The following TMCO5A variants were observed in gnomAD, a reference collection of about 807,000 sequenced individuals.
TMCO5A encodes the protein transmembrane and coiled-coil domains 5A.
Under a neutral mutation model 42.3 loss-of-function variants are expected in TMCO5A, and 34 were observed. The ratio of observed to expected loss-of-function variants is 0.80; its 90% CI spans 0.61 to 1.07. The LOEUF is 1.07. Ranked by LOEUF, TMCO5A falls within the 50% of genes least tolerant of loss-of-function variation. TMCO5A has a pLI of 0.00. For synonymous variants in TMCO5A, 131 were observed against 115.6 expected (o/e 1.13, Z -0.86); for missense variants, 357 against 327.9 (o/e 1.09, Z -0.69).
the TMCO5A span, among the ~76,000 whole-genome samples, chr15:37,979,457 G>C: frequency 0.036 from 5,495 of 152,204 alleles, 352 homozygotes; most frequent in African/African-American, 0.13. Context: ...CCACACGACA[G>C]ATCAAGAAAT....
At chr15:37,972,044 A>G (rs943048340), downstream of TMCO5A, among the ~76,000 whole-genome samples, 1 of 152,150 alleles carries the variant, frequency 6.6e-6, no homozygotes, top group African/African-American at 2.4e-5. Flanking sequence ...TACTGGTACC[A>G]ATTTACTGTA....
chr15:38,022,770 G>A, the TMCO5A span, among the ~76,000 whole-genome samples: 17 of 152,028 alleles, frequency 1.1e-4, no homozygotes, highest in African/African-American at 4.1e-4. Context: ...GGGGTATATG[G>A]GAAATCTCTA....
At chr15:37,967,835 TCACAC>T (rs1890592211), downstream of TMCO5A, 1 of 152,174 alleles carries the variant, frequency 6.6e-6, no homozygotes, top group Non-Finnish European at 1.5e-5. Context: ...ATTCTAGCAT[TCACAC>T]CAGCCAGGAG....
intron 10 of TMCO5A, among the ~76,000 whole-genome samples, chr15:37,946,082 A>G (rs1889940909): frequency 6.6e-6 from 1 of 152,158 alleles, no homozygotes; most frequent in Non-Finnish European, 1.5e-5. Context: ...AATTTTCTGT[A>G]TATGGCTAGC....
the TMCO5A span, among the ~76,000 whole-genome samples, chr15:37,998,770 C>A: frequency 6.6e-6 from 1 of 152,018 alleles, no homozygotes; most frequent in Non-Finnish European, 1.5e-5. Flanking sequence ...TGCATTGAAT[C>A]TGTAGATTGC....
chr15:37,970,003 T>C (rs1890645053), downstream of TMCO5A, among the ~76,000 whole-genome samples: 2 of 152,252 alleles, frequency 1.3e-5, no homozygotes, highest in Non-Finnish European at 2.9e-5. Flanking sequence ...TGTGTCTTTA[T>C]AGTCGAATGG....
chr15:37,954,220 A>G (rs1328859454), downstream of TMCO5A, among the ~76,000 whole-genome samples: 1 of 152,138 alleles, frequency 6.6e-6, no homozygotes, highest in Non-Finnish European at 1.5e-5. Context: ...ACACCTACAG[A>G]TTTAACCCGA....
chr15:38,021,868 G>A, the TMCO5A span, among the ~76,000 whole-genome samples: 7 of 148,668 alleles, frequency 4.7e-5, no homozygotes, highest in African/African-American at 1.2e-4. Context: ...GGAGTGCAGC[G>A]GCCCGATCTC....
At chr15:37,944,874 C>A (rs1257878225) in intron 10 of TMCO5A, among the ~76,000 whole-genome samples, 1 of 151,472 alleles carries the variant, frequency 6.6e-6, no homozygotes, top group Non-Finnish European at 1.5e-5. Context: ...TTTTTTTCTT[C>A]AACTTTTAAG....
chr15:37,951,892 C>T (rs968035014), downstream of TMCO5A, among the ~76,000 whole-genome samples: 10 of 152,046 alleles, frequency 6.6e-5, no homozygotes, highest in African/African-American at 9.7e-5. Flanking sequence ...CAACACCCCC[C>T]CTTTCCCATC....
intron 11 of TMCO5A, among the ~76,000 whole-genome samples, chr15:37,965,930 G>A (rs1890545086): frequency 6.6e-6 from 1 of 151,984 alleles, no homozygotes; most frequent in Admixed American, 6.6e-5. Context: ...AAGGAAATCA[G>A]TACATTGAAG....
At chr15:37,936,149 T>C in intron 2 of TMCO5A, 165 bp from the exon 3 acceptor site, 1 of 777,088 alleles carries the variant, frequency 1.3e-6, no homozygotes, top group Non-Finnish European at 1.9e-6. Context: ...ATCGAAACAG[T>C]TGTAGAGCAT....
chr15:38,037,911 G>A, the TMCO5A span, among the ~76,000 whole-genome samples: 12 of 151,996 alleles, frequency 7.9e-5, 1 homozygote, highest in South Asian at 2.5e-3. Context: ...TACTCTGGAG[G>A]CTGAGGCAGA....
At chr15:37,950,785 C>CA (rs1045777089) in intron 11 of TMCO5A, among the ~76,000 whole-genome samples, 5 of 151,868 alleles carry the variant, frequency 3.3e-5, no homozygotes, top group African/African-American at 1.2e-4. Context: ...ATAAACAAAA[C>CA]AAAAAATCAG....
At position 37,951,283 on chromosome 15, in the gene TMCO5A, C is replaced by T; in HGVS notation, c.*49C>T. The T allele has an allele frequency of 6.4e-7, 1 of 1,569,198 alleles. No individual in the cohort carries two copies. The stretch of plus-strand genomic sequence containing the variant: ...AATAGAAGGGAAGTGGGATCCGAGC[C>T]TGTAGAAGGGAGGCATGAAACTTGT... On this transcript the variant is annotated 3_prime_UTR_variant, in exon 12 of 12. Coordinates refer to ENST00000319669, the MANE Select transcript of TMCO5A (RefSeq NM_152453.4).
intron 11 of TMCO5A, among the ~76,000 whole-genome samples, chr15:37,957,943 TACA>T (rs1890331843): frequency 1.3e-5 from 2 of 152,056 alleles, no homozygotes; most frequent in African/African-American, 2.4e-5. Flanking sequence ...GCCACACATC[TACA>T]ACAATTGATC....
At chr15:37,939,534 A>G (rs1294635345) in intron 6 of TMCO5A, among the ~76,000 whole-genome samples, 2 of 152,080 alleles carry the variant, frequency 1.3e-5, no homozygotes, top group Non-Finnish European at 2.9e-5. Context: ...TTGAGTGGTG[A>G]CACTTTCAGT....
chr15:37,992,139 T>TA, the TMCO5A span, among the ~76,000 whole-genome samples: 11 of 152,086 alleles, frequency 7.2e-5, no homozygotes, highest in South Asian at 8.3e-4. Flanking sequence ...ATGAAGAACT[T>TA]AGACAAATTT....
the TMCO5A span, among the ~76,000 whole-genome samples, chr15:37,989,567 T>C: frequency 6.6e-6 from 1 of 152,030 alleles, no homozygotes; most frequent in Non-Finnish European, 1.5e-5. Context: ...ATTGGTTGTT[T>C]AAGTGTGTTT....
Sources: allele counts gnomAD v4.1 joint callset (sites outside exome capture counted in the v4.1 genomes callset), GRCh38; gene constraint gnomAD v4.1.1; transcripts MANE v1.5; gene names NCBI Gene and HGNC (gene_info 2026-07-23, HGNC 2026-07-21).